MAPK8: variants seen among roughly 807,000 people sequenced by gnomAD.
MAPK8 encodes JUN N-terminal kinase.
In MAPK8, 13 loss-of-function variants were observed where a neutral mutation model predicts 52.9. That is an observed-to-expected ratio of 0.25 (90% CI 0.16 to 0.39). The LOEUF is 0.39. Ranked by LOEUF, MAPK8 falls within the 10% of genes least tolerant of loss-of-function variation. The pLI is 1.00. For missense variants in MAPK8, 300 were observed against 519.2 expected, an observed-to-expected ratio of 0.58 and a Z score of 4.10; for synonymous variants, 191 against 169.8, an observed-to-expected ratio of 1.12 and a Z score of -0.97.
At chr10:48,402,081 A>G (rs1392459058) in intron 2 of MAPK8, among the ~76,000 whole-genome samples, 1 of 152,188 alleles carries the variant, frequency 6.6e-6, no homozygotes, top group Admixed American at 6.6e-5. Flanking sequence ...ACTTCAGTGA[A>G]CATTTCCTTT....
intron 1 of MAPK8, among the ~76,000 whole-genome samples, chr10:48,315,454 G>T (rs1047670846): frequency 7.2e-5 from 11 of 152,014 alleles, no homozygotes; most frequent in African/African-American, 2.7e-4. Flanking sequence ...GGATTTCTTT[G>T]TATTTATAGA....
chr10:48,338,460 C>G (rs1456316535), intron 1 of MAPK8, among the ~76,000 whole-genome samples: 3 of 152,094 alleles, frequency 2.0e-5, no homozygotes, highest in Non-Finnish European at 4.4e-5. Flanking sequence ...ATGACATACC[C>G]ACAGCCAACA....
intron 1 of MAPK8, among the ~76,000 whole-genome samples, chr10:48,377,188 G>A (rs1322256469): frequency 6.6e-6 from 1 of 152,122 alleles, no homozygotes; most frequent in African/African-American, 2.4e-5. Context: ...GACACAGGGA[G>A]GGGAACATCA....
chr10:48,356,841 CAAAAAAAAAAAAAAAAAAAAAA>C (rs869186711), intron 1 of MAPK8, among the ~76,000 whole-genome samples: 40 of 30,278 alleles, frequency 1.3e-3, no homozygotes, highest in South Asian at 5.7e-3. Flanking sequence ...GACTCCGTCT[CAAAAAAAAAAAAAAAAAAAAAA>C]AAAAAAAAAA....
intron 1 of MAPK8, among the ~76,000 whole-genome samples, chr10:48,340,273 A>G (rs1356946139): frequency 2.0e-5 from 3 of 152,204 alleles, no homozygotes; most frequent in Non-Finnish European, 2.9e-5. Flanking sequence ...GCTGGAGGCC[A>G]TTATCAAGTG....
At chr10:48,338,707 G>T (rs1271902779) in intron 1 of MAPK8, among the ~76,000 whole-genome samples, 1 of 152,106 alleles carries the variant, frequency 6.6e-6, no homozygotes, top group Non-Finnish European at 1.5e-5. Context: ...TCCTGGACCT[G>T]AGAAACAACT....
At chr10:48,402,578 A>C (rs1471445342) in intron 2 of MAPK8, among the ~76,000 whole-genome samples, 2 of 152,236 alleles carry the variant, frequency 1.3e-5, no homozygotes, top group Admixed American at 6.5e-5. Flanking sequence ...TACTGATTGC[A>C]GATCACTAAA....
At chr10:48,374,516 G>A (rs2040533038) in intron 1 of MAPK8, among the ~76,000 whole-genome samples, 2 of 152,044 alleles carry the variant, frequency 1.3e-5, no homozygotes, top group South Asian at 2.1e-4. Flanking sequence ...AGAAAAGAGA[G>A]AAGACTCAAA....
chr10:48,353,337 G>A (rs147918329), intron 1 of MAPK8, among the ~76,000 whole-genome samples: 1 of 152,084 alleles, frequency 6.6e-6, no homozygotes, highest in Non-Finnish European at 1.5e-5. Context: ...ACTCAATTTC[G>A]ACTTATAAAG....
At chr10:48,420,808 G>GA (rs995530192) in intron 6 of MAPK8, among the ~76,000 whole-genome samples, 1 of 152,218 alleles carries the variant, frequency 6.6e-6, no homozygotes, top group African/African-American at 2.4e-5. Context: ...CCTCTTGAAG[G>GA]AAGCAGTAAA....
At chr10:48,398,793 A>G (rs1172714246) in intron 1 of MAPK8, among the ~76,000 whole-genome samples, 1 of 152,192 alleles carries the variant, frequency 6.6e-6, no homozygotes, top group African/African-American at 2.4e-5. Context: ...TTTCATTTAT[A>G]TGCAGATCTA....
intron 1 of MAPK8, among the ~76,000 whole-genome samples, chr10:48,350,836 T>G (rs989213821): frequency 1.2e-4 from 18 of 152,356 alleles, no homozygotes; most frequent in Admixed American, 9.1e-4. Flanking sequence ...TGTCTCTGTT[T>G]GCAGATGACA....
chr10:48,344,168 C>T (rs1845552914), intron 1 of MAPK8, among the ~76,000 whole-genome samples: 2 of 152,140 alleles, frequency 1.3e-5, no homozygotes, highest in Admixed American at 1.3e-4. Flanking sequence ...TTATGGGTCC[C>T]CTCTGTAACC....
At chr10:48,325,929 C>T (rs1006795963) in intron 1 of MAPK8, 3 of 152,158 alleles carry the variant, frequency 2.0e-5, no homozygotes, top group Non-Finnish European at 4.4e-5. Flanking sequence ...AGGAAAATCA[C>T]AGAGGTAAAG....
At chr10:48,426,803 A>G (rs921106513) in intron 9 of MAPK8, 5 of 481,112 alleles carry the variant, frequency 1.0e-5, no homozygotes, top group East Asian at 7.4e-5. Context: ...AAATTACTGT[A>G]TCCAAAGGAA....
At chr10:48,419,480 A>C (rs2043232673) in intron 5 of MAPK8, among the ~76,000 whole-genome samples, 1 of 152,218 alleles carries the variant, frequency 6.6e-6, no homozygotes, top group Middle Eastern at 3.2e-3. Context: ...AGTAGGGGCC[A>C]GGTGAAAAAT....
chr10:48,322,730 C>T (rs1056905170), intron 1 of MAPK8, among the ~76,000 whole-genome samples: 2 of 152,144 alleles, frequency 1.3e-5, no homozygotes, highest in Admixed American at 6.5e-5. Context: ...TTCTCAGCCA[C>T]GTCTTTGGAA....
intron 5 of MAPK8, among the ~76,000 whole-genome samples, chr10:48,413,013 T>C (rs1002279052): frequency 2.6e-5 from 4 of 152,226 alleles, no homozygotes; most frequent in Non-Finnish European, 1.5e-5. Flanking sequence ...TTGGCTACTA[T>C]AAATACCTCA....
At chr10:48,351,268 T>A (rs1461360577) in intron 1 of MAPK8, among the ~76,000 whole-genome samples, 1 of 109,566 alleles carries the variant, frequency 9.1e-6, no homozygotes, top group East Asian at 2.6e-4. Flanking sequence ...AAAAATAACT[T>A]TGAATTTTTT....
Sources: gnomAD v4.1 joint callset for allele counts (sites outside exome capture counted in the v4.1 genomes callset) on GRCh38, gnomAD v4.1.1 for gene constraint, MANE v1.5 for transcripts, NCBI Gene and HGNC (gene_info 2026-07-23, HGNC 2026-07-21) for gene names.